The following GPHN variants were observed in gnomAD, a reference collection of about 807,000 sequenced individuals.
The protein encoded by GPHN is gephyrin.
Under a neutral mutation model 95.5 loss-of-function variants are expected in GPHN, and 17 were observed. That is an observed-to-expected ratio of 0.18 (90% confidence interval 0.12 to 0.27). The LOEUF (loss-of-function observed/expected upper bound fraction) is 0.27. Among genes scored for constraint, GPHN ranks in the 10% least tolerant of loss-of-function variants. The pLI is 1.00. For synonymous variants in GPHN, 320 were observed against 322.5 expected, an observed-to-expected ratio of 0.99 and a Z score of 0.08; for missense variants, 660 against 978.1, an observed-to-expected ratio of 0.67 and a Z score of 4.34.
chr14:67,521,292 G>A, the GPHN span, among the ~76,000 whole-genome samples: 1 of 152,364 alleles, frequency 6.6e-6, no homozygotes, highest in South Asian at 2.1e-4. Flanking sequence ...AGGAATGAGT[G>A]CATTGTGACA....
the GPHN span, among the ~76,000 whole-genome samples, chr14:67,200,865 A>G: frequency 6.6e-6 from 1 of 152,228 alleles, no homozygotes; most frequent in Non-Finnish European, 1.5e-5. Context: ...GGGGGTAGTT[A>G]GCAGTCTATA....
At chr14:66,605,527 A>AT (rs59245552) in intron 1 of GPHN, among the ~76,000 whole-genome samples, 12,207 of 116,344 alleles carry the variant, frequency 0.1, 1,663 homozygotes, top group African/African-American at 0.27. Context: ...TCCTTTGCCG[A>AT]TTTTTTTTTT....
the GPHN span, among the ~76,000 whole-genome samples, chr14:67,193,963 A>C: frequency 5.4e-5 from 8 of 149,202 alleles, no homozygotes; most frequent in Admixed American, 3.3e-4. Flanking sequence ...ACAAAAAAAA[A>C]ACGAAAAACA....
At chr14:66,795,685 T>A (rs1467290703) in intron 3 of GPHN, among the ~76,000 whole-genome samples, 5 of 152,166 alleles carry the variant, frequency 3.3e-5, no homozygotes, top group Admixed American at 6.5e-5. Flanking sequence ...ATTGCTTTTT[T>A]AATTTTAATT....
At chr14:67,048,770 TC>T (rs1325077236) in intron 10 of GPHN, among the ~76,000 whole-genome samples, 3 of 152,218 alleles carry the variant, frequency 2.0e-5, no homozygotes, top group Non-Finnish European at 4.4e-5. Context: ...AAGTGAGTAT[TC>T]TCTTGAATGC....
the GPHN span, among the ~76,000 whole-genome samples, chr14:67,402,500 A>G: frequency 6.6e-6 from 1 of 152,334 alleles, no homozygotes; most frequent in Admixed American, 6.5e-5. Flanking sequence ...CTGTTGTGCT[A>G]TTAAATAGTA....
chr14:67,479,657 G>C, the GPHN span, among the ~76,000 whole-genome samples: 1 of 152,078 alleles, frequency 6.6e-6, no homozygotes, highest in African/African-American at 2.4e-5. Flanking sequence ...GGCGGAGGTT[G>C]CCGTGAGCCG....
chr14:67,045,372 T>C (rs192368727), intron 10 of GPHN, among the ~76,000 whole-genome samples: 138 of 152,078 alleles, frequency 9.1e-4, no homozygotes, highest in Middle Eastern at 3.4e-3. Context: ...CTGTCTCTTT[T>C]TCTCTATCTC....
At chr14:67,135,183 C>T (rs914604584) in intron 17 of GPHN, among the ~76,000 whole-genome samples, 1 of 152,042 alleles carries the variant, frequency 6.6e-6, no homozygotes, top group African/African-American at 2.4e-5. Context: ...TGGTCTCGAA[C>T]TCCTGACCTC....
At chr14:66,947,169 C>A (rs532678901) in intron 8 of GPHN, among the ~76,000 whole-genome samples, 1 of 152,220 alleles carries the variant, frequency 6.6e-6, no homozygotes, top group East Asian at 1.9e-4. Context: ...TTACTAAGCT[C>A]CATATAGCTT....
chr14:67,390,808 C>G, the GPHN span: 3 of 1,159,952 alleles, frequency 2.6e-6, no homozygotes, highest in Non-Finnish European at 3.9e-6. Flanking sequence ...TCTCCTGTAT[C>G]TATGCATGTA....
the GPHN span, chr14:67,340,387 C>G: frequency 2.0e-6 from 3 of 1,476,356 alleles, no homozygotes; most frequent in South Asian, 2.3e-5. Context: ...GCAAATACAG[C>G]CTTTGGAATA....
the GPHN span, among the ~76,000 whole-genome samples, chr14:67,633,424 C>T: frequency 9.8e-5 from 15 of 152,290 alleles, no homozygotes; most frequent in African/African-American, 3.1e-4. Context: ...CAGCCATTGA[C>T]GATTGCCTAG....
At chr14:66,731,943 G>T (rs1363531725) in intron 2 of GPHN, among the ~76,000 whole-genome samples, 1 of 152,244 alleles carries the variant, frequency 6.6e-6, no homozygotes, top group Non-Finnish European at 1.5e-5. Context: ...CATTGCTTCA[G>T]AGGGTGCAAG....
At chr14:67,379,900 C>T in the GPHN span, among the ~76,000 whole-genome samples, 2 of 151,746 alleles carry the variant, frequency 1.3e-5, no homozygotes, top group African/African-American at 2.4e-5. Context: ...GTGATCCGCC[C>T]GCCTCGGCCT....
the GPHN span, among the ~76,000 whole-genome samples, chr14:67,324,668 G>T: frequency 6.6e-6 from 1 of 151,386 alleles, no homozygotes; most frequent in South Asian, 2.1e-4. Context: ...CACTGCAGGC[G>T]CAGACTCTGG....
chr14:66,601,088 G>T (rs1277520359), intron 1 of GPHN, among the ~76,000 whole-genome samples: 1 of 152,042 alleles, frequency 6.6e-6, no homozygotes, highest in Non-Finnish European at 1.5e-5. Flanking sequence ...AAGAGGTTAA[G>T]TTCCTTGTAC....
At chr14:66,614,726 A>T (rs1288239801) in intron 1 of GPHN, among the ~76,000 whole-genome samples, 1 of 152,058 alleles carries the variant, frequency 6.6e-6, no homozygotes, top group African/African-American at 2.4e-5. Flanking sequence ...TGTTTTATGT[A>T]TTCTTTTTTA....
the GPHN span, among the ~76,000 whole-genome samples, chr14:67,398,902 A>G: frequency 1.3e-5 from 2 of 152,172 alleles, no homozygotes; most frequent in Non-Finnish European, 2.9e-5. Context: ...TCATACCATT[A>G]AATTTCTGTA....
Sources: allele counts gnomAD v4.1 joint callset (sites outside exome capture counted in the v4.1 genomes callset), GRCh38; gene constraint gnomAD v4.1.1; transcripts MANE v1.5; gene names NCBI Gene and HGNC (gene_info 2026-07-23, HGNC 2026-07-21).